NRXN3: variants seen among roughly 807,000 people sequenced by gnomAD.
NRXN3 encodes neurexin III.
NRXN3 carries 32 observed loss-of-function variants against 137.6 expected under a neutral mutation model. The observed-to-expected ratio is 0.23, with a 90% CI of 0.18 to 0.31. NRXN3 has a LOEUF of 0.31. Among genes scored for constraint, NRXN3 ranks in the 10% least tolerant of loss-of-function variants. NRXN3 has a pLI of 1.00. For missense variants in NRXN3, 1,574 were observed against 2,062.5 expected (o/e 0.76, Z 4.59); for synonymous variants, 798 against 784.5 (o/e 1.02, Z -0.29).
intron 19 of NRXN3, among the ~76,000 whole-genome samples, chr14:79,803,399 G>C (rs2099189474): frequency 6.6e-6 from 1 of 152,076 alleles, no homozygotes; most frequent in African/African-American, 2.4e-5. Context: ...TGAAATCAAG[G>C]TGTCAGCAGA....
Position 79,858,996 on chromosome 14 carries a change from A to G in NRXN3, c.4094-2346A>G, listed in dbSNP as rs1036755330. The stretch of plus-strand genomic sequence containing the variant: ...ACAATGTAAAAAAAAGAAAAAAAAA[A>G]AAAACAGGTGTCTGCTGGTCTAGTA... On this transcript the variant is annotated intron_variant, in intron 20 of 20. Transcript: ENST00000335750. Among the ~76,000 whole-genome samples, 4 of 138,770 alleles carry G rather than the reference A, an allele frequency of 2.9e-5. No homozygotes were observed. The East Asian group carries it at 6.5e-4, about 22-fold the overall frequency. The allele number at this position is 138,770 out of a possible 152,430, so 91.0% of individuals were successfully genotyped here.
chr14:78,282,620 C>T (rs973499392), intron 3 of NRXN3: 1 of 159,612 alleles, frequency 6.3e-6, no homozygotes, highest in Admixed American at 5.8e-5. Context: ...GCTGGGCCCC[C>T]AGGAGGCCTC....
intron 15 of NRXN3, among the ~76,000 whole-genome samples, chr14:79,322,440 G>A (rs920230001): frequency 6.6e-6 from 1 of 152,122 alleles, no homozygotes. Flanking sequence ...AAATAAACAA[G>A]GAGCCCAGAT....
intron 15 of NRXN3, among the ~76,000 whole-genome samples, chr14:79,446,313 C>T (rs919476426): frequency 3.3e-5 from 5 of 152,104 alleles, no homozygotes; most frequent in African/African-American, 1.2e-4. Flanking sequence ...CTGTCTACTG[C>T]TTTTTATTCT....
At chr14:79,601,485 C>T (rs11847149) in intron 16 of NRXN3, among the ~76,000 whole-genome samples, 11,404 of 152,204 alleles carry the variant, frequency 0.075, 441 homozygotes, top group Middle Eastern at 0.14. Context: ...ATAGCCTGAG[C>T]TTACCTCACT....
At chr14:78,563,089 C>T (rs1355334014) in intron 4 of NRXN3, among the ~76,000 whole-genome samples, 4 of 152,192 alleles carry the variant, frequency 2.6e-5, no homozygotes, top group Admixed American at 1.3e-4. Context: ...ATGATCTCTC[C>T]ATGTGACCAA....
intron 10 of NRXN3, among the ~76,000 whole-genome samples, chr14:78,850,323 T>C (rs1179282868): frequency 6.6e-6 from 1 of 152,132 alleles, no homozygotes; most frequent in Admixed American, 6.6e-5. Context: ...AAAGTGACCA[T>C]AATACCTCAG....
intron 3 of NRXN3, among the ~76,000 whole-genome samples, chr14:78,279,176 A>T (rs936062355): frequency 6.6e-6 from 1 of 152,234 alleles, no homozygotes; most frequent in African/African-American, 2.4e-5. Flanking sequence ...TTATGTAAAT[A>T]ATACATGCTC....
At chr14:79,086,719 G>A (rs969316675) in intron 15 of NRXN3, among the ~76,000 whole-genome samples, 1 of 151,958 alleles carries the variant, frequency 6.6e-6, no homozygotes, top group Non-Finnish European at 1.5e-5. Context: ...CTTTTTATTC[G>A]CTTTCCTAAT....
rs185721207 is a variant in NRXN3, at chr14:78,615,328, C to T, written c.758-29792C>T. 1.4e-4 allele frequency among the ~76,000 whole-genome samples: 21 copies of T among 151,738 alleles called. No individual in the cohort carries two copies. The East Asian group carries it at 3.3e-3, about 24-fold the overall frequency. ...TAAAACTAAGATCCAGGGCCGGGCG[C>T]GGTGGCTCACGCCTATAATCCCAGC... On this transcript the variant is annotated intron_variant, in intron 4 of 20. Transcript: ENST00000335750.
chr14:78,287,141 A>G (rs1173820677), intron 3 of NRXN3, among the ~76,000 whole-genome samples: 1 of 152,242 alleles, frequency 6.6e-6, no homozygotes, highest in Non-Finnish European at 1.5e-5. Flanking sequence ...AAATAAAGTC[A>G]TCTTGAAGAT....
rs548012061 is a variant in NRXN3, at chr14:79,212,704, G to A, written c.3262+224563G>A. Among the ~76,000 whole-genome samples the A allele has an allele frequency of 5.3e-5, 8 of 152,130 alleles. No individual in the cohort carries two copies. The East Asian group carries it at 5.8e-4, about 11-fold the overall frequency. On this transcript the variant is annotated intron_variant, in intron 15 of 20. Coordinates refer to ENST00000335750, the MANE Select transcript of NRXN3 (RefSeq NM_001330195.2). ...ACACAAGCCCTACACAAATGGTATC[G>A]TGCCCAAATGAGTGTTGGAAATGCT...
chr14:79,677,839 A>AGTT (rs1371320494), intron 17 of NRXN3, among the ~76,000 whole-genome samples: 9 of 152,276 alleles, frequency 5.9e-5, no homozygotes, highest in African/African-American at 1.9e-4. Context: ...CATTTCCAGT[A>AGTT]GTTGTATGTA....
At chr14:78,801,034 A>G (rs929352261) in intron 8 of NRXN3, among the ~76,000 whole-genome samples, 47 of 152,230 alleles carry the variant, frequency 3.1e-4, no homozygotes, top group African/African-American at 9.9e-4. Flanking sequence ...CTAAAGAAAT[A>G]CATGAGGCCG....
At chr14:78,996,900 C>A (rs750547718) in intron 15 of NRXN3, among the ~76,000 whole-genome samples, 96 of 152,104 alleles carry the variant, frequency 6.3e-4, no homozygotes, top group African/African-American at 7.2e-4. Context: ...ACAATGAAAC[C>A]CAGGGTCTTC....
At chr14:79,846,450 A>G (rs1051993755) in intron 20 of NRXN3, among the ~76,000 whole-genome samples, 39 of 152,208 alleles carry the variant, frequency 2.6e-4, no homozygotes, top group African/African-American at 8.9e-4. Context: ...GACAGCCTCA[A>G]ACCCAACACT....
chr14:78,979,417 T>C (rs962464056), intron 14 of NRXN3, among the ~76,000 whole-genome samples: 1 of 152,196 alleles, frequency 6.6e-6, no homozygotes, highest in Non-Finnish European at 1.5e-5. Flanking sequence ...ATAGACTTAT[T>C]TATATGAGAC....
At chr14:79,045,122 C>G (rs1355447743) in intron 15 of NRXN3, among the ~76,000 whole-genome samples, 1 of 152,120 alleles carries the variant, frequency 6.6e-6, no homozygotes, top group South Asian at 2.1e-4. Flanking sequence ...ATGAGACAAT[C>G]CTACTCCCCC....
At chr14:78,830,838 A>C (rs1337365275) in intron 10 of NRXN3, among the ~76,000 whole-genome samples, 1 of 152,160 alleles carries the variant, frequency 6.6e-6, no homozygotes, top group Non-Finnish European at 1.5e-5. Flanking sequence ...AAGAGTTTCC[A>C]TTTTATATGC....
Sources: allele counts gnomAD v4.1 joint callset (sites outside exome capture counted in the v4.1 genomes callset), GRCh38; gene constraint gnomAD v4.1.1; transcripts MANE v1.5; gene names NCBI Gene and HGNC (gene_info 2026-07-23, HGNC 2026-07-21).